The following SGSM2 variants were observed in gnomAD, a reference collection of about 807,000 sequenced individuals.
SGSM2 encodes the protein small G protein signaling modulator 2.
In SGSM2, 89 loss-of-function variants were observed where a neutral mutation model predicts 126.6. That is an observed-to-expected ratio of 0.70 (90% CI 0.59 to 0.84). The LOEUF is 0.84. Among genes scored for constraint, SGSM2 ranks in the 40% least tolerant of loss-of-function variants. The probability of loss-of-function intolerance (pLI) is 0.00; values close to 1 mark genes in which losing one functional copy is unlikely to be tolerated. For synonymous variants in SGSM2, 614 were observed against 574.3 expected (o/e 1.07, Z -0.99); for missense variants, 1,404 against 1,416.6 (o/e 0.99, Z 0.14).
chr17:2,372,260 T>C lies in SGSM2; in HGVS notation c.1642+6T>C. The C allele has an allele frequency of 1.9e-6, 3 of 1,612,748 alleles. No individual in the cohort carries two copies. Among genetic ancestry groups the C allele is most frequent in the East Asian group, 2.2e-5 (1 of 44,858 alleles). On this transcript the variant is annotated splice_donor_region_variant and intron_variant, in intron 14 of 23. Coordinates refer to ENST00000268989, the MANE Select transcript of SGSM2 (RefSeq NM_014853.3). The surrounding 1 kb of genome is among the most constrained non-coding windows in gnomAD (Gnocchi z 6.0). Reference sequence around the variant, plus strand: ...GTCCCGGGCCTTCTACGGCTGTGAGTGTGGGGCGCGCCGGGCTGTGGCGGG... The same window carrying C: ...GTCCCGGGCCTTCTACGGCTGTGAGCGTGGGGCGCGCCGGGCTGTGGCGGG...
rs199703327 is a variant in SGSM2, at chr17:2,367,307, C to A, written c.1325C>A (p.Ala442Glu). ...TACCACCACCTAGCGGCCAGCCGCG[C>A]GGCCTCGGTGGACGATGATGAGGAA... ...INYHHLAASRAASVDDDEEEE... is the reference protein window; with the variant it reads ...INYHHLAASREASVDDDEEEE... The change falls in exon 12 of 24, where the codon GCG (alanine) becomes GAG (glutamate). Residue 442 changes from alanine to glutamate, a missense_variant. Physicochemically the swap from Ala to Glu is moderately radical, Grantham distance 107. Transcript: ENST00000268989. The surrounding 1 kb of genome is among the most constrained non-coding windows in gnomAD (Gnocchi z 4.0). 9.9e-6 allele frequency: 16 copies of A among 1,613,970 alleles called. No homozygotes were observed. In the East Asian group the frequency reaches 1.3e-4, roughly 13 times the overall value.
intron 1 of SGSM2, among the ~76,000 whole-genome samples, chr17:2,338,092 G>A (rs2151450959): frequency 6.6e-6 from 1 of 152,250 alleles, no homozygotes; most frequent in South Asian, 2.1e-4. Flanking sequence ...CGCCGCCAGG[G>A]GAGGGGGCGG....
At chr17:2,361,579 T>G in intron 2 of SGSM2, 58 bp from the exon 3 acceptor site, 1 of 1,580,090 alleles carries the variant, frequency 6.3e-7, no homozygotes, top group Non-Finnish European at 8.6e-7. Flanking sequence ...AAGAGGAGCT[T>G]TTCTTCCTGC....
chr17:2,376,615 T>G, intron 19 of SGSM2, 118 bp from the exon 20 acceptor site: 1 of 1,100,192 alleles, frequency 9.1e-7, no homozygotes, highest in Non-Finnish European at 1.4e-6. Flanking sequence ...GTACATGCCT[T>G]AGGGTCGTGG....
At chr17:2,348,377 C>G (rs987976224) in intron 2 of SGSM2, among the ~76,000 whole-genome samples, 1 of 152,118 alleles carries the variant, frequency 6.6e-6, no homozygotes, top group African/African-American at 2.4e-5. Flanking sequence ...CAAAAAAGAC[C>G]CCATCGCCAC....
In SGSM2 at chr17:2,376,756, T is replaced by C; in HGVS notation, c.2633T>C (p.Val878Ala). 6.2e-7 allele frequency: 1 copy of C among 1,614,018 alleles called. No individual in the cohort carries two copies. Among genetic ancestry groups the C allele is most frequent in the Non-Finnish European group, 8.5e-7 (1 of 1,180,020 alleles). ...AGCTACGTGTGGGAGCACCTGGACG[T>C]GGGCTATGTGCAGGGCATGTGCGAT... The part of the protein sequence containing the change: ...MCSYVWEHLD[V>A]GYVQGMCDLL... The change falls in exon 20 of 24, where the codon GTG becomes GCG. Residue 878 changes from valine (V) to alanine (A), a missense_variant. By Grantham distance (64) the Val-to-Ala change is moderately conservative. Coordinates refer to ENST00000268989, the MANE Select transcript of SGSM2 (RefSeq NM_014853.3).
At position 2,361,675 on chromosome 17, in the gene SGSM2, C is replaced by T. The variant is rs759646093; in HGVS notation, c.172C>T (p.Arg58Cys). Residue 58 changes from arginine (R) to cysteine (C), a missense_variant, in exon 3 of 24, where the codon CGT becomes TGT. Coordinates refer to ENST00000268989, the MANE Select transcript of SGSM2 (RefSeq NM_014853.3). The part of the protein sequence containing the change: ...EACLLHQLRR[R>C]AAGFLRSDKM... ...TTGCCTCTTGCATCAGCTGAGACGC[C>T]GTGCCGCTGGCTTCCTGCGCAGTGA... 24 of 1,613,866 alleles carry T rather than the reference C, an allele frequency of 1.5e-5. No individual in the cohort carries two copies. Among genetic ancestry groups the T allele is most frequent in the African/African-American group, 1.1e-4 (8 of 74,930 alleles).
chr17:2,345,135 C>G (rs1247351686), intron 2 of SGSM2, among the ~76,000 whole-genome samples: 3 of 151,996 alleles, frequency 2.0e-5, no homozygotes, highest in Non-Finnish European at 1.5e-5. Flanking sequence ...AAAAAAAAGG[C>G]ATGCCAGTAT....
chr17:2,369,705 C>A (rs1449335515), intron 12 of SGSM2, among the ~76,000 whole-genome samples: 8 of 152,052 alleles, frequency 5.3e-5, no homozygotes, highest in African/African-American at 1.7e-4. Context: ...TGTTGCCCTC[C>A]CTGCCTGCCC....
chr17:2,349,012 C>T (rs569014085), intron 2 of SGSM2, among the ~76,000 whole-genome samples: 2 of 152,006 alleles, frequency 1.3e-5, no homozygotes, highest in East Asian at 3.9e-4. Flanking sequence ...GATCTACCCG[C>T]CTCGGCCTCC....
intron 12 of SGSM2, among the ~76,000 whole-genome samples, chr17:2,369,903 T>C (rs970159889): frequency 4.6e-5 from 7 of 152,042 alleles, no homozygotes; most frequent in Non-Finnish European, 8.8e-5. Flanking sequence ...CCGCAGCCCC[T>C]CCTCACCACG....
intron 1 of SGSM2, among the ~76,000 whole-genome samples, chr17:2,338,095 G>C (rs2064167013): frequency 6.6e-6 from 1 of 152,132 alleles, no homozygotes; most frequent in Admixed American, 6.5e-5. Context: ...CGCCAGGGGA[G>C]GGGGCGGGGC....
chr17:2,352,801 G>A (rs1309433449), intron 2 of SGSM2, among the ~76,000 whole-genome samples: 3 of 109,736 alleles, frequency 2.7e-5, no homozygotes, highest in South Asian at 3.1e-4. Flanking sequence ...TTTTTGAGAC[G>A]GAGTCTCGCT....
chr17:2,343,930 T>C (rs1307883087), intron 2 of SGSM2, among the ~76,000 whole-genome samples: 1 of 152,198 alleles, frequency 6.6e-6, no homozygotes, highest in East Asian at 1.9e-4. Flanking sequence ...AGTTTCTGAT[T>C]CTAGTAGGTC....
At chr17:2,376,361 C>T in intron 19 of SGSM2, 100 bp downstream of exon 19, 5 of 1,498,600 alleles carry the variant, frequency 3.3e-6, no homozygotes, top group Non-Finnish European at 2.7e-6. Context: ...CTCTCCTGCT[C>T]CTGAATCACA....
intron 1 of SGSM2, among the ~76,000 whole-genome samples, chr17:2,339,731 C>T (rs867614266): frequency 4.0e-5 from 6 of 151,790 alleles, no homozygotes; most frequent in African/African-American, 1.2e-4. Flanking sequence ...AAAAAAGTCC[C>T]GGAAATCTCT....
Position 2,362,013 on chromosome 17 carries a change from C to T in SGSM2, c.297-96C>T, listed in dbSNP as rs1291506951. ...TCCCAACCCCAGTCAGTTCTCTGTG[C>T]TCCCATCTTGGGGTACCAAGCCCCA... On this transcript the variant is annotated intron_variant, in intron 3 of 23. Transcript: ENST00000268989. This position sits in a 1 kb window ranked among gnomAD's most constrained non-coding sequence, Gnocchi z 4.9. 1.4e-6 allele frequency: 2 copies of T among 1,463,328 alleles called. No individual in the cohort carries two copies. Among genetic ancestry groups the T allele is most frequent in the Admixed American group, 2.1e-5 (1 of 47,502 alleles). 90.6% of individuals were successfully genotyped at this position (1,463,328 alleles called of 1,614,324 possible). A position where few individuals can be genotyped will look rare whatever the true frequency, so the allele number is the denominator to read the frequency against.
rs533754072 is a variant in SGSM2 at position 2,380,087 on chromosome 17, C to T, written c.*567C>T. On this transcript the variant is annotated 3_prime_UTR_variant, in exon 24 of 24. Transcript: ENST00000268989. ...CCGGGCCGCCTTCAGGCCGCTCCCC[C>T]GAGATTCTGGGGCAGTCGGAAGATG... 7.1e-6 allele frequency: 10 copies of T among 1,403,816 alleles called. No individual in the cohort carries two copies. The highest frequency in any genetic ancestry group is 2.7e-5 in the East Asian group (1 of 36,946). The allele number at this position is 1,403,816 out of a possible 1,614,324, so 87.0% of individuals were successfully genotyped here.
At chr17:2,375,206 C>G (rs1359996012) in intron 17 of SGSM2, 1 of 334,334 alleles carries the variant, frequency 3.0e-6, no homozygotes, top group Non-Finnish European at 5.5e-6. Flanking sequence ...GAGCGTTCAG[C>G]CCCCTGGCTC....
Sources: gnomAD v4.1 joint callset for allele counts (sites outside exome capture counted in the v4.1 genomes callset) on GRCh38, gnomAD v4.1.1 for gene constraint, Gnocchi (gnomAD v3.1) non-coding constraint, MANE v1.5 for transcripts, NCBI Gene and HGNC (gene_info 2026-07-23, HGNC 2026-07-21) for gene names.